RGPD3: variants seen among roughly 807,000 people sequenced by gnomAD.
RGPD3 encodes ranBP2-like and GRIP domain-containing protein 3.
Under a neutral mutation model 154.5 loss-of-function variants are expected in RGPD3, and 62 were observed. The observed-to-expected ratio is 0.40, with a 90% CI of 0.33 to 0.50. The LOEUF (loss-of-function observed/expected upper bound fraction) is 0.50. RGPD3 is among the 20% of genes least tolerant of loss of function. The probability of loss-of-function intolerance (pLI) is 0.59; values close to 1 mark genes in which losing one functional copy is unlikely to be tolerated. For synonymous variants in RGPD3, 308 were observed against 607.0 expected, an observed-to-expected ratio of 0.51 and a Z score of 7.24; for missense variants, 919 against 1,716.8, an observed-to-expected ratio of 0.54 and a Z score of 8.21.
chr2:106,449,213 C>A (rs1678032413), intron 6 of RGPD3, among the ~76,000 whole-genome samples: 2 of 150,464 alleles, frequency 1.3e-5, no homozygotes, highest in Admixed American at 6.6e-5. Flanking sequence ...ACATGTAATT[C>A]CAGCACTTTG....
rs1676472674 is a variant in RGPD3 at position 106,405,229 on chromosome 2, C to CTT, written c.5267-1_5267insAA (p.Gly1756GlufsTer36). 1 of 1,606,402 alleles carries CTT rather than the reference C, an allele frequency of 6.2e-7. No homozygotes were observed. Among genetic ancestry groups the CTT allele is most frequent in the Admixed American group, 1.7e-5 (1 of 58,588 alleles). On this transcript the variant is annotated frameshift_variant and splice_region_variant. Coordinates refer to ENST00000409886, the MANE Select transcript of RGPD3 (RefSeq NM_001144013.2). LOFTEE classifies it high-confidence loss of function. ...AGAACGGGAAGCATTTTATTCCTCA[C>CTT]CTTTGGAAAGTAAAACAAAAAAAAA... is the stretch of plus-strand genomic sequence containing the variant.
At chr2:106,437,691 AG>A (rs1209094450) in intron 9 of RGPD3, among the ~76,000 whole-genome samples, 1 of 151,982 alleles carries the variant, frequency 6.6e-6, no homozygotes, top group Non-Finnish European at 1.5e-5. Context: ...TTTTTGTTGA[AG>A]TTTTTATCAG....
At chr2:106,441,194 C>G (rs1220501167) in intron 8 of RGPD3, 99 bp downstream of exon 8, 5 of 1,538,308 alleles carry the variant, frequency 3.3e-6, no homozygotes, top group Admixed American at 4.1e-5. Context: ...ATAATTTTGA[C>G]AAATTATCTC....
At chr2:106,441,906 C>T (rs1309909925) in intron 7 of RGPD3, among the ~76,000 whole-genome samples, 1 of 112,910 alleles carries the variant, frequency 8.9e-6, no homozygotes, top group Non-Finnish European at 1.8e-5. Context: ...AGGGGCCAGA[C>T]ATGTTGGCTC....
In RGPD3 at chr2:106,436,512, C is replaced by A; in HGVS notation, c.1536G>T (p.Gln512His). 1.9e-6 allele frequency: 3 copies of A among 1,611,598 alleles called. No individual in the cohort carries two copies. Among genetic ancestry groups the A allele is most frequent in the Non-Finnish European group, 2.5e-6 (3 of 1,179,632 alleles). ...ACACAGGAAGGGGCAGGCATAACGG[C>A]TGATAGGAGCTGTGGTGAGAATTAC... ...EKCNSHHSSYQPLCLPLPVCK... is the reference protein window; with the variant it reads ...EKCNSHHSSYHPLCLPLPVCK... Residue 512 changes from glutamine to histidine, a missense_variant, in exon 11 of 23, where the codon CAG (glutamine) becomes CAT (histidine). Transcript: ENST00000409886.
chr2:106,414,311 G>C (rs1430225345), intron 21 of RGPD3, among the ~76,000 whole-genome samples: 1 of 152,180 alleles, frequency 6.6e-6, no homozygotes, highest in Non-Finnish European at 1.5e-5. Flanking sequence ...AAATCATGAA[G>C]AGAGTATAAA....
chr2:106,431,541 A>G (rs1293918512), intron 17 of RGPD3, among the ~76,000 whole-genome samples: 1 of 152,288 alleles, frequency 6.6e-6, no homozygotes, highest in Non-Finnish European at 1.5e-5. Context: ...ATACTTCCAC[A>G]GAATACAATG....
At chr2:106,429,833 C>A (rs1677312527) in intron 17 of RGPD3, 52 bp from the exon 18 acceptor site, 1 of 569,028 alleles carries the variant, frequency 1.8e-6, no homozygotes, top group African/African-American at 2.0e-5. Context: ...TTATATCATG[C>A]CAGAAACAGT....
At chr2:106,466,453 C>G (rs1397097581) in intron 1 of RGPD3, among the ~76,000 whole-genome samples, 1 of 117,006 alleles carries the variant, frequency 8.5e-6, no homozygotes, top group Non-Finnish European at 1.8e-5. Flanking sequence ...TCGAGGCCGC[C>G]GCTGGGCCGG....
intron 1 of RGPD3, among the ~76,000 whole-genome samples, chr2:106,465,731 T>G (rs1285071612): frequency 6.6e-6 from 1 of 151,978 alleles, no homozygotes; most frequent in Non-Finnish European, 1.5e-5. Flanking sequence ...CTTTAGAATT[T>G]TTTTTTTTTA....
Position 106,432,223 on chromosome 2 carries a change from C to T in RGPD3, c.2469+712G>A, listed in dbSNP as rs1034982174. Among the ~76,000 whole-genome samples, 21 of 148,576 alleles carry T rather than the reference C, an allele frequency of 1.4e-4. 2 individuals carry two copies. Among genetic ancestry groups the T allele is most frequent in the East Asian group, 2.0e-4 (1 of 5,010 alleles). On this transcript the variant is annotated intron_variant, in intron 17 of 22. Transcript: ENST00000409886. ...ATCCCAGCACTTTGGGAGGCCAAGG[C>T]GGGCAGATCGCCTGAGGTCAGAAGT...
intron 1 of RGPD3, among the ~76,000 whole-genome samples, chr2:106,465,508 T>C (rs1374076369): frequency 3.3e-5 from 5 of 151,056 alleles, no homozygotes; most frequent in Non-Finnish European, 4.4e-5. Flanking sequence ...TGGTTTTTAA[T>C]CTTTTGGAAG....
Position 106,441,863 on chromosome 2 carries a change from C to CAAAAAAAA in RGPD3, c.979-491_979-484dup, listed in dbSNP as rs1166971652. Among the ~76,000 whole-genome samples, 14 of 13,638 alleles carry CAAAAAAAA rather than the reference C, an allele frequency of 1.0e-3. 2 individuals are homozygous for CAAAAAAAA. Among genetic ancestry groups the CAAAAAAAA allele is most frequent in the African/African-American group, 1.8e-3 (6 of 3,328 alleles). 8.9% of individuals were successfully genotyped at this position (13,638 alleles called of 152,430 possible). A position where few individuals can be genotyped will look rare whatever the true frequency, so the allele number is the denominator to read the frequency against. ...TGGGTGAAAGAGTGAGACTCCATCG[C>CAAAAAAAA]AAAAAAAAAAAAAAAAAAAAAAAAA... is the stretch of plus-strand genomic sequence containing the variant. On this transcript the variant is annotated intron_variant, in intron 7 of 22. Coordinates refer to ENST00000409886, the MANE Select transcript of RGPD3 (RefSeq NM_001144013.2).
At chr2:106,441,730 G>T (rs1390847409) in intron 7 of RGPD3, among the ~76,000 whole-genome samples, 1 of 151,320 alleles carries the variant, frequency 6.6e-6, no homozygotes, top group Admixed American at 6.6e-5. Context: ...AGGCGTGGTG[G>T]CACACACCTG....
chr2:106,423,831 A>G lies in RGPD3; in HGVS notation c.4136T>C (p.Ile1379Thr). Residue 1379 changes from isoleucine (I) to threonine (T), a missense_variant, in exon 20 of 23, where the codon ATT (isoleucine) becomes ACT (threonine). Coordinates refer to ENST00000409886, the MANE Select transcript of RGPD3 (RefSeq NM_001144013.2). Reference sequence around the variant, plus strand: ...ATTCTGTAAAATCTTTATATCACCAATGCCCCTTTCTTTCCATTGACCAAC... The same window carrying G: ...ATTCTGTAAAATCTTTATATCACCAGTGCCCCTTTCTTTCCATTGACCAAC... Reference protein sequence around the residue: ...KDVGQWKERGIGDIKILQNYD... With the variant: ...KDVGQWKERGTGDIKILQNYD... 1.2e-6 allele frequency: 2 copies of G among 1,611,986 alleles called. No individual in the cohort carries two copies. The highest frequency in any genetic ancestry group is 8.5e-7 in the Non-Finnish European group (1 of 1,179,872).
At position 106,410,370 on chromosome 2, in the gene RGPD3, A is replaced by G. The variant is rs567926899; in HGVS notation, c.5266+2714T>C. 9.2e-5 allele frequency among the ~76,000 whole-genome samples: 14 copies of G among 152,260 alleles called. No individual in the cohort carries two copies. The East Asian group carries it at 2.7e-3, about 29-fold the overall frequency. ...AGGACTTACCAAATGCACATCTTAG[A>G]GTTCTGGGTTTCTAATGTGTATCTC... On this transcript the variant is annotated intron_variant, in intron 22 of 22. Transcript: ENST00000409886.
chr2:106,466,152 A>G (rs1400678419), intron 1 of RGPD3, among the ~76,000 whole-genome samples: 3 of 151,946 alleles, frequency 2.0e-5, no homozygotes, highest in African/African-American at 7.3e-5. Context: ...AGGAGCGAGC[A>G]CCGTCGGGAA....
intron 17 of RGPD3, among the ~76,000 whole-genome samples, chr2:106,430,330 C>G (rs1677332628): frequency 7.0e-6 from 1 of 143,652 alleles, no homozygotes. Flanking sequence ...CTCACCTAAA[C>G]AAATAACCTC....
In RGPD3 at chr2:106,405,164, G is replaced by A. The variant is rs189408283; in HGVS notation, c.*55C>T. 5.0e-4 allele frequency: 807 copies of A among 1,604,130 alleles called. 2 individuals carry two copies. The African/African-American group carries it at 8.6e-3, about 17-fold the overall frequency. Reference sequence around the variant, plus strand: ...AAAACATTCCTTCCATCAACCTATCGAAGTCCAAACCAACTACGAAGATAG... The same window carrying A: ...AAAACATTCCTTCCATCAACCTATCAAAGTCCAAACCAACTACGAAGATAG... On this transcript the variant is annotated 3_prime_UTR_variant, in exon 23 of 23. Coordinates refer to ENST00000409886, the MANE Select transcript of RGPD3 (RefSeq NM_001144013.2).
Sources: allele counts gnomAD v4.1 joint callset (sites outside exome capture counted in the v4.1 genomes callset), GRCh38; gene constraint gnomAD v4.1.1; transcripts MANE v1.5; gene names NCBI Gene and HGNC (gene_info 2026-07-23, HGNC 2026-07-21).